CEPT1: variants seen among roughly 807,000 people sequenced by gnomAD.
The protein encoded by CEPT1 is choline/ethanolaminephosphotransferase 1.
Under a neutral mutation model 42.6 loss-of-function variants are expected in CEPT1, and 7 were observed. That is an observed-to-expected ratio of 0.16 (90% confidence interval 0.09 to 0.31). The LOEUF is 0.31. Among genes scored for constraint, CEPT1 ranks in the 10% least tolerant of loss-of-function variants. The probability of loss-of-function intolerance (pLI) is 1.00; values close to 1 mark genes in which losing one functional copy is unlikely to be tolerated. For missense variants in CEPT1, 306 were observed against 502.1 expected (o/e 0.61, Z 3.73); for synonymous variants, 171 against 171.9 (o/e 0.99, Z 0.04).
At chr1:111,149,155 T>C (rs545344201) in intron 2 of CEPT1, among the ~76,000 whole-genome samples, 16 of 152,252 alleles carry the variant, frequency 1.1e-4, no homozygotes, top group African/African-American at 3.6e-4. Flanking sequence ...CCCCAGAACA[T>C]GTGATTTCTG....
chr1:111,178,608 A>G (rs1270427928), intron 5 of CEPT1: 1 of 152,134 alleles, frequency 6.6e-6, no homozygotes, highest in Non-Finnish European at 1.5e-5. Context: ...ACTATGTTCT[A>G]TCATATCACT....
chr1:111,147,642 G>T lies in CEPT1; in HGVS notation c.-73G>T. On this transcript the variant is annotated splice_region_variant and 5_prime_UTR_variant, in exon 2 of 9. Coordinates refer to ENST00000357172, the MANE Select transcript of CEPT1 (RefSeq NM_006090.5). ...ATTTTTATTTTATTTTATTTTTTAGGTAAGCACCAGCCACAAAAACCTACA... is the reference window on the plus strand; with the variant it reads ...ATTTTTATTTTATTTTATTTTTTAGTTAAGCACCAGCCACAAAAACCTACA... 9.9e-7 allele frequency: 1 copy of T among 1,014,862 alleles called. No individual in the cohort carries two copies. The allele number at this position is 1,014,862 out of a possible 1,614,324, so 62.9% of individuals were successfully genotyped here. A position where few individuals can be genotyped will look rare whatever the true frequency, so the allele number is the denominator to read the frequency against.
chr1:111,165,774 T>G (rs1206234042), intron 4 of CEPT1, among the ~76,000 whole-genome samples: 1 of 152,216 alleles, frequency 6.6e-6, no homozygotes, highest in Admixed American at 6.5e-5. Context: ...ACCAAATGTT[T>G]ATTTCTATGT....
chr1:111,151,273 G>A (rs767256268), intron 2 of CEPT1, among the ~76,000 whole-genome samples: 10 of 152,054 alleles, frequency 6.6e-5, no homozygotes, highest in Admixed American at 1.3e-4. Context: ...ACAGGCGCAC[G>A]CCGCCACACC....
At chr1:111,166,399 T>A (rs1656147452) in intron 4 of CEPT1, among the ~76,000 whole-genome samples, 1 of 152,234 alleles carries the variant, frequency 6.6e-6, no homozygotes, top group African/African-American at 2.4e-5. Context: ...CTTACTTTTA[T>A]CACTAGTAAA....
intron 6 of CEPT1, chr1:111,182,583 C>A: frequency 1.7e-6 from 1 of 572,756 alleles, no homozygotes; most frequent in Non-Finnish European, 3.0e-6. Context: ...TAAAAATAAG[C>A]CTGGTCTCTT....
intron 2 of CEPT1, 106 bp from the exon 3 acceptor site, chr1:111,159,274 C>G (rs1337607937): frequency 8.8e-6 from 9 of 1,027,230 alleles, no homozygotes; most frequent in Non-Finnish European, 1.3e-5. Flanking sequence ...TGGATCTTCT[C>G]TCCCATAGCT....
At chr1:111,140,129 C>A (rs1654307313), upstream of CEPT1, 1 of 141,776 alleles carries the variant, frequency 7.1e-6, no homozygotes, top group South Asian at 2.1e-4. Flanking sequence ...CCCGAGCAGA[C>A]CGGCCGGCCC....
intron 2 of CEPT1, among the ~76,000 whole-genome samples, chr1:111,157,025 TCC>T (rs1416242503): frequency 1.3e-5 from 2 of 152,148 alleles, no homozygotes; most frequent in African/African-American, 4.8e-5. Flanking sequence ...ATTCAGTATC[TCC>T]CCCAGGGTCT....
At chr1:111,155,089 G>A (rs540248887) in intron 2 of CEPT1, among the ~76,000 whole-genome samples, 2 of 152,258 alleles carry the variant, frequency 1.3e-5, no homozygotes, top group East Asian at 3.9e-4. Context: ...GTAGAATTCA[G>A]CAGTAAAGGC....
At chr1:111,164,523 A>C (rs1040545518) in intron 4 of CEPT1, among the ~76,000 whole-genome samples, 18 of 152,170 alleles carry the variant, frequency 1.2e-4, no homozygotes, top group Non-Finnish European at 2.2e-4. Flanking sequence ...TTATATCTTA[A>C]ATTATACTGA....
Position 111,184,617 on chromosome 1 carries a change from G to C in CEPT1, c.*307G>C, listed in dbSNP as rs1557945579. On this transcript the variant is annotated 3_prime_UTR_variant, in exon 9 of 9. Transcript: ENST00000357172. ...GTGATGGGGAGCCAGATCCGCAGTG[G>C]TGGAGAGTTCTAATGTTGACTGTTT... is the stretch of plus-strand genomic sequence containing the variant. 2 of 195,514 alleles carry C rather than the reference G, an allele frequency of 1.0e-5. No homozygotes were observed. The highest frequency in any genetic ancestry group is 4.7e-5 in the African/African-American group (2 of 42,634). 12.1% of individuals were successfully genotyped at this position (195,514 alleles called of 1,614,324 possible).
intron 2 of CEPT1, among the ~76,000 whole-genome samples, chr1:111,153,811 CTG>C (rs1403448440): frequency 6.6e-6 from 1 of 152,036 alleles, no homozygotes; most frequent in Admixed American, 6.6e-5. Context: ...TTCTTTGGGT[CTG>C]TATGTCTTTT....
chr1:111,182,096 A>C, intron 5 of CEPT1, 91 bp from the exon 6 acceptor site: 1 of 1,006,992 alleles, frequency 9.9e-7, no homozygotes, highest in Non-Finnish European at 1.4e-6. Context: ...GAGGGAATGG[A>C]AAGTTTTTGG....
chr1:111,182,533 C>T, intron 6 of CEPT1: 1 of 575,712 alleles, frequency 1.7e-6, no homozygotes, highest in South Asian at 2.5e-5. Flanking sequence ...CACACACAAA[C>T]ACACTTATTC....
rs768297854 is a variant in CEPT1 at position 111,159,405 on chromosome 1, G to A, written c.365G>A (p.Cys122Tyr). 1 of 1,612,350 alleles carries A rather than the reference G, an allele frequency of 6.2e-7. No individual in the cohort carries two copies. Among genetic ancestry groups the A allele is most frequent in the South Asian group, 1.1e-5 (1 of 90,722 alleles). Residue 122 changes from cysteine to tyrosine, a missense_variant, in exon 3 of 9, where the codon TGT (cysteine) becomes TAT (tyrosine). Physicochemically the swap from Cys to Tyr is radical, Grantham distance 194. Coordinates refer to ENST00000357172, the MANE Select transcript of CEPT1 (RefSeq NM_006090.5). The part of the protein sequence containing the change: ...EQAPLWAYIA[C>Y]ACGLFIYQSL... ...GCACCTCTGTGGGCATATATTGCTTGTGCCTGTGGCCTTTTCATTTACCAG... is the reference window on the plus strand; with the variant it reads ...GCACCTCTGTGGGCATATATTGCTTATGCCTGTGGCCTTTTCATTTACCAG...
chr1:111,152,271 C>T (rs1380507782), intron 2 of CEPT1, among the ~76,000 whole-genome samples: 3 of 151,778 alleles, frequency 2.0e-5, no homozygotes, highest in African/African-American at 4.8e-5. Context: ...AAAATTAAAA[C>T]GGCACATTGA....
At chr1:111,182,375 C>T in intron 6 of CEPT1, 57 bp downstream of exon 6, 3 of 1,526,044 alleles carry the variant, frequency 2.0e-6, no homozygotes, top group Non-Finnish European at 2.7e-6. Flanking sequence ...GTTTTGTTGT[C>T]ATTTTGTTTT....
At chr1:111,182,753 C>T in intron 6 of CEPT1, 46 bp from the exon 7 acceptor site, 1 of 1,505,510 alleles carries the variant, frequency 6.6e-7, no homozygotes, top group Non-Finnish European at 9.0e-7. Context: ...CATGTAGTAT[C>T]TGATGAGTAC....
Sources: gnomAD v4.1 joint callset for allele counts (sites outside exome capture counted in the v4.1 genomes callset) on GRCh38, gnomAD v4.1.1 for gene constraint, MANE v1.5 for transcripts, NCBI Gene and HGNC (gene_info 2026-07-23, HGNC 2026-07-21) for gene names.